The following CYP7B1 variants were observed in gnomAD, a reference collection of about 807,000 sequenced individuals.
CYP7B1 encodes the protein cytochrome P450 7B1.
A neutral mutation model predicts 42.7 loss-of-function variants in CYP7B1; 29 were observed. That is an observed-to-expected ratio of 0.68 (90% CI 0.51 to 0.93). The LOEUF (loss-of-function observed/expected upper bound fraction) is 0.93, where lower values mean the gene tolerates loss of function less well. Among genes scored for constraint, CYP7B1 ranks in the 40% least tolerant of loss-of-function variants. The pLI is 0.00. For synonymous variants in CYP7B1, 235 were observed against 218.2 expected (o/e 1.08, Z -0.68); for missense variants, 655 against 600.5 (o/e 1.09, Z -0.95).
chr8:64,757,090 T>C (rs1807820431), intron 1 of CYP7B1, among the ~76,000 whole-genome samples: 1 of 152,174 alleles, frequency 6.6e-6, no homozygotes, highest in South Asian at 2.1e-4. Flanking sequence ...GCTCAAGCAT[T>C]GGCCAAACAA....
intron 1 of CYP7B1, among the ~76,000 whole-genome samples, chr8:64,733,924 T>G (rs1281860853): frequency 6.6e-6 from 1 of 152,038 alleles, no homozygotes; most frequent in Non-Finnish European, 1.5e-5. Context: ...GAGCTATGAT[T>G]GTGCCCCTGC....
At chr8:64,692,738 T>A (rs1055640593) in intron 1 of CYP7B1, among the ~76,000 whole-genome samples, 3 of 152,190 alleles carry the variant, frequency 2.0e-5, no homozygotes, top group Admixed American at 1.3e-4. Context: ...ATACTCAGAT[T>A]ATTTTTTCTT....
intron 1 of CYP7B1, among the ~76,000 whole-genome samples, chr8:64,703,443 G>C (rs1001696734): frequency 4.6e-5 from 7 of 151,954 alleles, no homozygotes; most frequent in African/African-American, 1.7e-4. Context: ...AATACAATTT[G>C]AAGAAACCTC....
At chr8:64,756,038 C>T (rs946282871) in intron 1 of CYP7B1, among the ~76,000 whole-genome samples, 2 of 152,168 alleles carry the variant, frequency 1.3e-5, no homozygotes, top group South Asian at 4.1e-4. Context: ...TTACATCATT[C>T]GTCCACCTGT....
chr8:64,729,363 C>G (rs1013554510), intron 1 of CYP7B1, among the ~76,000 whole-genome samples: 1 of 151,950 alleles, frequency 6.6e-6, no homozygotes, highest in African/African-American at 2.4e-5. Context: ...CACAATCTTA[C>G]AGAGACACAT....
intron 1 of CYP7B1, among the ~76,000 whole-genome samples, chr8:64,710,065 C>A (rs1807058612): frequency 6.6e-6 from 1 of 152,032 alleles, no homozygotes; most frequent in African/African-American, 2.4e-5. Context: ...ATTGTTCAAG[C>A]AGTAGAGAGT....
intron 1 of CYP7B1, among the ~76,000 whole-genome samples, chr8:64,686,315 C>CGGGA (rs1478567611): frequency 8.2e-5 from 3 of 36,550 alleles, no homozygotes; most frequent in Non-Finnish European, 1.2e-4. Flanking sequence ...CCGCCCCGTC[C>CGGGA]GGGAGGTGAG....
At position 64,612,965 on chromosome 8, in the gene CYP7B1, C is replaced by T. The variant is rs542267412; in HGVS notation, c.1057+2061G>A. Among the ~76,000 whole-genome samples, 85 of 152,200 alleles carry T rather than the reference C, an allele frequency of 5.6e-4. 1 individual carries two copies. The highest frequency in any genetic ancestry group is 1.9e-3 in the African/African-American group (80 of 41,538). ...TGTGCAGAGGTTATTTGTTGTGTAA[C>T]TAATTCACATATAAGTTTGCTCTGA... On this transcript the variant is annotated intron_variant, in intron 4 of 5. Coordinates refer to ENST00000310193, the MANE Select transcript of CYP7B1 (RefSeq NM_004820.5).
intron 1 of CYP7B1, among the ~76,000 whole-genome samples, chr8:64,769,104 AATC>A (rs1804162230): frequency 6.6e-6 from 1 of 152,228 alleles, no homozygotes; most frequent in African/African-American, 2.4e-5. Flanking sequence ...AAATTATCAC[AATC>A]ATTAGTTGCA....
At chr8:64,798,357 C>A in intron 1 of CYP7B1, 109 bp downstream of exon 1, 1 of 1,374,066 alleles carries the variant, frequency 7.3e-7, no homozygotes, top group South Asian at 1.7e-5. Flanking sequence ...GCAGCAAGTT[C>A]TGACTGTCTG....
At chr8:64,773,322 T>TCTTTAGAAAGTGTACATTAGATACA (rs1804265986) in intron 1 of CYP7B1, among the ~76,000 whole-genome samples, 1 of 152,346 alleles carries the variant, frequency 6.6e-6, no homozygotes, top group Admixed American at 6.5e-5. Flanking sequence ...CACTTGTTTC[T>TCTTTAGAAAGTGTACATTAGATACA]CTTTAGATAG....
intron 2 of CYP7B1, among the ~76,000 whole-genome samples, chr8:64,623,092 A>G (rs1008911043): frequency 1.3e-5 from 2 of 152,208 alleles, no homozygotes; most frequent in African/African-American, 4.8e-5. Flanking sequence ...TAGCTAGCCC[A>G]GGCCATAAAC....
chr8:64,766,985 G>T (rs1403006563), intron 1 of CYP7B1, among the ~76,000 whole-genome samples: 3 of 152,196 alleles, frequency 2.0e-5, no homozygotes, highest in East Asian at 3.9e-4. Context: ...GCAGTCACTA[G>T]ATACTTCTCC....
rs186452490 is a variant in CYP7B1, at chr8:64,754,154, G to A, written c.122+44312C>T. 2.3e-3 allele frequency among the ~76,000 whole-genome samples: 344 copies of A among 152,348 alleles called. 1 individual carries two copies. Among genetic ancestry groups the A allele is most frequent in the Non-Finnish European group, 3.8e-3 (259 of 68,030 alleles). ...ACACAGAGGGGACAGAGGGTGTGAGGAGGCTTCTGTGTGGGCCCTGTGGCT... is the reference window on the plus strand; with the variant it reads ...ACACAGAGGGGACAGAGGGTGTGAGAAGGCTTCTGTGTGGGCCCTGTGGCT... On this transcript the variant is annotated intron_variant, in intron 1 of 5. Transcript: ENST00000310193.
chr8:64,702,723 T>C (rs1231355709), intron 1 of CYP7B1, among the ~76,000 whole-genome samples: 1 of 152,056 alleles, frequency 6.6e-6, no homozygotes, highest in Non-Finnish European at 1.5e-5. Context: ...CAGAGAGTAA[T>C]TACCTATCTG....
chr8:64,763,935 C>T (rs1356140152), intron 1 of CYP7B1, among the ~76,000 whole-genome samples: 1 of 152,216 alleles, frequency 6.6e-6, no homozygotes, highest in Non-Finnish European at 1.5e-5. Flanking sequence ...TTCCTCCGAT[C>T]CCTGCCTCCT....
chr8:64,744,410 C>T (rs982258221), intron 1 of CYP7B1, among the ~76,000 whole-genome samples: 4 of 151,802 alleles, frequency 2.6e-5, no homozygotes, highest in African/African-American at 9.7e-5. Flanking sequence ...ACAGAATTTG[C>T]CACGGTAGAA....
chr8:64,701,275 T>G (rs6472148), intron 1 of CYP7B1, among the ~76,000 whole-genome samples: 1 of 151,796 alleles, frequency 6.6e-6, no homozygotes, highest in Non-Finnish European at 1.5e-5. Flanking sequence ...TCCTCCACAC[T>G]TCACCCAAAT....
At chr8:64,782,910 T>C (rs1351860910) in intron 1 of CYP7B1, among the ~76,000 whole-genome samples, 2 of 152,188 alleles carry the variant, frequency 1.3e-5, no homozygotes, top group African/African-American at 2.4e-5. Flanking sequence ...TTAAAGACAA[T>C]GTGTAACAGT....
Sources: gnomAD v4.1 joint callset for allele counts (sites outside exome capture counted in the v4.1 genomes callset) on GRCh38, gnomAD v4.1.1 for gene constraint, MANE v1.5 for transcripts, NCBI Gene and HGNC (gene_info 2026-07-23, HGNC 2026-07-21) for gene names.